Variants in MAP2 observed in about 807,000 individuals in gnomAD.
MAP2 encodes microtubule associated protein 2.
A neutral mutation model predicts 137.6 loss-of-function variants in MAP2; 14 were observed. The ratio of observed to expected loss-of-function variants is 0.10; its 90% CI spans 0.07 to 0.16. The LOEUF is 0.16. Among genes scored for constraint, MAP2 ranks in the 10% least tolerant of loss-of-function variants. The probability of loss-of-function intolerance (pLI) is 1.00; values close to 1 mark genes in which losing one functional copy is unlikely to be tolerated. For synonymous variants in MAP2, 786 were observed against 782.3 expected (o/e 1.00, Z -0.08); for missense variants, 2,088 against 2,191.5 (o/e 0.95, Z 0.94).
intron 3 of MAP2, among the ~76,000 whole-genome samples, chr2:209,591,786 A>G (rs1017041811): frequency 6.6e-6 from 1 of 152,206 alleles, no homozygotes; most frequent in African/African-American, 2.4e-5. Flanking sequence ...TTGATTTACT[A>G]CAATAAAAAG....
At chr2:209,581,800 C>A (rs987558103) in intron 3 of MAP2, among the ~76,000 whole-genome samples, 5 of 152,088 alleles carry the variant, frequency 3.3e-5, no homozygotes, top group Admixed American at 2.6e-4. Context: ...CTAATAAGTT[C>A]TGTTATGATT....
intron 7 of MAP2, among the ~76,000 whole-genome samples, chr2:209,687,893 G>A (rs554810057): frequency 3.3e-5 from 5 of 152,210 alleles, no homozygotes; most frequent in East Asian, 1.9e-4. Flanking sequence ...AGCTCAGAAC[G>A]GACCACCTCT....
chr2:209,444,608 G>C (rs1318138222), intron 1 of MAP2, among the ~76,000 whole-genome samples: 1 of 151,444 alleles, frequency 6.6e-6, no homozygotes, highest in Non-Finnish European at 1.5e-5. Context: ...TATTTTGTCA[G>C]AGGGAAAATG....
chr2:209,468,513 G>C (rs1184077493), intron 1 of MAP2, among the ~76,000 whole-genome samples: 1 of 151,448 alleles, frequency 6.6e-6, no homozygotes, highest in Non-Finnish European at 1.5e-5. Context: ...GTACAGACGA[G>C]GTTTCACCAT....
At chr2:209,463,942 G>A (rs1703499831) in intron 1 of MAP2, among the ~76,000 whole-genome samples, 1 of 152,220 alleles carries the variant, frequency 6.6e-6, no homozygotes, top group South Asian at 2.1e-4. Flanking sequence ...ATTTAGAGTG[G>A]TTTATATAGT....
chr2:209,586,800 A>C (rs2153420291), intron 3 of MAP2, among the ~76,000 whole-genome samples: 1 of 152,308 alleles, frequency 6.6e-6, no homozygotes. Flanking sequence ...TGCTTTGATT[A>C]GTAAAAGGCT....
chr2:209,479,043 A>G (rs1708090341), intron 1 of MAP2, among the ~76,000 whole-genome samples: 1 of 152,226 alleles, frequency 6.6e-6, no homozygotes, highest in African/African-American at 2.4e-5. Context: ...CAATGAATAA[A>G]GTAAATATTC....
chr2:209,501,679 T>C lies in MAP2; in HGVS notation c.-221-5913T>C, dbSNP rs573281851. 5.9e-5 allele frequency among the ~76,000 whole-genome samples: 9 copies of C among 152,306 alleles called. No homozygotes were observed. In the South Asian group the frequency reaches 1.9e-3, roughly 32 times the overall value. On this transcript the variant is annotated intron_variant, in intron 1 of 15. Transcript: ENST00000682079. ...TAGCAAAATACTACACAAAAAGTCT[T>C]GACCTGTGTGTTTGAAATGGCAGAT...
chr2:209,669,993 A>G (rs72999557), intron 5 of MAP2, among the ~76,000 whole-genome samples: 1,682 of 152,168 alleles, frequency 0.011, 17 homozygotes, highest in Non-Finnish European at 0.019. Flanking sequence ...TGAAGAGAAT[A>G]TAATCCAATT....
rs11893295 is a variant in MAP2 at position 209,441,531 on chromosome 2, C to T, written c.-222+17255C>T. Among the ~76,000 whole-genome samples, 1,515 of 151,588 alleles carry T rather than the reference C, an allele frequency of 1.0e-2. 21 individuals are homozygous for T. Among genetic ancestry groups the T allele is most frequent in the African/African-American group, 0.035 (1,461 of 41,442 alleles). ...CCAAAGGATTTATTGTACTGCTTTT[C>T]GAAGTGGAGGCCAGCTGTTTTTGGA... On this transcript the variant is annotated intron_variant, in intron 1 of 15. Transcript: ENST00000682079.
At chr2:209,555,430 T>G (rs2070334860) in intron 2 of MAP2, among the ~76,000 whole-genome samples, 2 of 152,152 alleles carry the variant, frequency 1.3e-5, no homozygotes, top group African/African-American at 4.8e-5. Context: ...TGGACAATTT[T>G]GTGTTATGGA....
At chr2:209,630,374 C>T (rs904355066) in intron 4 of MAP2, among the ~76,000 whole-genome samples, 5 of 152,158 alleles carry the variant, frequency 3.3e-5, no homozygotes, top group Admixed American at 2.6e-4. Flanking sequence ...GATTTCCCTA[C>T]TGCCCATTAC....
At chr2:209,573,849 C>G (rs968579861) in intron 2 of MAP2, among the ~76,000 whole-genome samples, 1 of 152,118 alleles carries the variant, frequency 6.6e-6, no homozygotes, top group African/African-American at 2.4e-5. Context: ...TTTGACTATC[C>G]TAGGTATTTC....
At chr2:209,654,655 G>C (rs994549651) in intron 5 of MAP2, among the ~76,000 whole-genome samples, 3 of 151,780 alleles carry the variant, frequency 2.0e-5, no homozygotes, top group Non-Finnish European at 4.4e-5. Flanking sequence ...ACTTTAACAG[G>C]GTGGAACTTG....
chr2:209,495,652 A>G (rs966386582), intron 1 of MAP2, among the ~76,000 whole-genome samples: 2 of 152,206 alleles, frequency 1.3e-5, no homozygotes, highest in Non-Finnish European at 2.9e-5. Flanking sequence ...CAATCTTTAT[A>G]AGCTTAGTTT....
intron 2 of MAP2, among the ~76,000 whole-genome samples, chr2:209,531,462 T>C (rs1439870310): frequency 1.3e-5 from 2 of 152,218 alleles, no homozygotes; most frequent in African/African-American, 4.8e-5. Flanking sequence ...ACTTTTTTTA[T>C]GAGCCTGAAT....
chr2:209,602,288 A>G (rs1033707114), intron 3 of MAP2, among the ~76,000 whole-genome samples: 14 of 152,248 alleles, frequency 9.2e-5, no homozygotes, highest in African/African-American at 3.4e-4. Flanking sequence ...CTTAAAAGAC[A>G]AATGTAAAAA....
intron 1 of MAP2, among the ~76,000 whole-genome samples, chr2:209,479,440 A>G (rs1708190929): frequency 6.6e-6 from 1 of 152,256 alleles, no homozygotes; most frequent in East Asian, 1.9e-4. Context: ...AATAGATAGG[A>G]ACTATGATAA....
rs150742473 is a variant in MAP2, at chr2:209,542,726, G to T, written c.-172+35085G>T. On this transcript the variant is annotated intron_variant, in intron 2 of 15. Coordinates refer to ENST00000682079, the MANE Select transcript of MAP2 (RefSeq NM_001375505.1). ...CCTTAAACCTCATGAACCAACCTCTGCTAGCTTCCAGCCTTTCTTCTGCAG... is the reference window on the plus strand; with the variant it reads ...CCTTAAACCTCATGAACCAACCTCTTCTAGCTTCCAGCCTTTCTTCTGCAG... Among the ~76,000 whole-genome samples, 695 of 152,232 alleles carry T rather than the reference G, an allele frequency of 4.6e-3. 9 individuals are homozygous for T. The highest frequency in any genetic ancestry group is 0.016 in the African/African-American group (644 of 41,540).
Sources: gnomAD v4.1 joint callset for allele counts (sites outside exome capture counted in the v4.1 genomes callset) on GRCh38, gnomAD v4.1.1 for gene constraint, MANE v1.5 for transcripts, NCBI Gene and HGNC (gene_info 2026-07-23, HGNC 2026-07-21) for gene names.